The following EPHA6 variants were observed in gnomAD, a reference collection of about 807,000 sequenced individuals.
The protein encoded by EPHA6 is ephrin type-A receptor 6.
Under a neutral mutation model 112.0 loss-of-function variants are expected in EPHA6, and 50 were observed. The observed-to-expected ratio is 0.45, with a 90% CI of 0.36 to 0.56. EPHA6 has a LOEUF of 0.56. Ranked by LOEUF, EPHA6 falls within the 20% of genes least tolerant of loss-of-function variation. The pLI, the probability that EPHA6 is intolerant of heterozygous loss-of-function variation, is 0.00. For synonymous variants in EPHA6, 529 were observed against 490.7 expected (o/e 1.08, Z -1.03); for missense variants, 1,280 against 1,417.4 (o/e 0.90, Z 1.56).
At chr3:97,114,007 T>C (rs1436556035) in intron 3 of EPHA6, among the ~76,000 whole-genome samples, 3 of 152,092 alleles carry the variant, frequency 2.0e-5, no homozygotes, top group Non-Finnish European at 4.4e-5. Context: ...TTGGGATAGA[T>C]GGCCAGTTCC....
At chr3:96,983,749 T>C (rs2107830867) in intron 2 of EPHA6, among the ~76,000 whole-genome samples, 1 of 152,338 alleles carries the variant, frequency 6.6e-6, no homozygotes, top group Middle Eastern at 3.4e-3. Context: ...GCTTTGTTCA[T>C]TTCTTTTTAT....
At chr3:97,614,358 C>G (rs2041306975) in intron 13 of EPHA6, among the ~76,000 whole-genome samples, 1 of 133,912 alleles carries the variant, frequency 7.5e-6, no homozygotes, top group African/African-American at 2.9e-5. Flanking sequence ...TTTTTTGAGA[C>G]AGAGTCTTGC....
In EPHA6 at chr3:97,475,297, G is replaced by A. The variant is rs1416730678; in HGVS notation, c.1895-55G>A. The A allele has an allele frequency of 3.9e-6, 5 of 1,293,524 alleles. No individual in the cohort carries two copies. The East Asian group carries it at 7.2e-5, about 19-fold the overall frequency. The allele number at this position is 1,293,524 out of a possible 1,614,324, so 80.1% of individuals were successfully genotyped here. A position where few individuals can be genotyped will look rare whatever the true frequency, so the allele number is the denominator to read the frequency against. On this transcript the variant is annotated intron_variant, in intron 7 of 17. Coordinates refer to ENST00000389672, the MANE Select transcript of EPHA6 (RefSeq NM_001080448.3). ...CTAGTGTAAACTAAATTGTAAAATG[G>A]TTTTAATAGTGAAATGTCACCCAGG...
intron 14 of EPHA6, among the ~76,000 whole-genome samples, chr3:97,681,435 A>C (rs1049815389): frequency 6.6e-6 from 1 of 152,240 alleles, no homozygotes; most frequent in African/African-American, 2.4e-5. Context: ...TATTTATGAT[A>C]GAGAAAAATC....
intron 3 of EPHA6, among the ~76,000 whole-genome samples, chr3:97,124,473 G>GAAAGAAAGAAAGAAAGAAAGAAAGAAAT (rs1282266668): frequency 2.0e-5 from 2 of 100,580 alleles, no homozygotes; most frequent in African/African-American, 1.5e-4. Context: ...TTTAAAAAAA[G>GAAAGAAAGAAAGAAAGAAAGAAAGAAAT]AAAGAAAGAA....
At chr3:97,277,323 G>T (rs1323442821) in intron 5 of EPHA6, among the ~76,000 whole-genome samples, 1 of 152,120 alleles carries the variant, frequency 6.6e-6, no homozygotes, top group Admixed American at 6.5e-5. Flanking sequence ...TGGCGGGAAG[G>T]GGTGGGGGTC....
intron 10 of EPHA6, among the ~76,000 whole-genome samples, chr3:97,497,765 G>T (rs2092017008): frequency 6.6e-6 from 1 of 151,910 alleles, no homozygotes; most frequent in African/African-American, 2.4e-5. Flanking sequence ...CATGTGCGGG[G>T]TTAATTGCTG....
intron 14 of EPHA6, among the ~76,000 whole-genome samples, chr3:97,681,122 A>G (rs2031829196): frequency 6.6e-6 from 1 of 152,168 alleles, no homozygotes; most frequent in Non-Finnish European, 1.5e-5. Context: ...GACAATAAAT[A>G]TATGAAAACT....
chr3:97,545,486 T>C lies in EPHA6; in HGVS notation c.2386+12943T>C, dbSNP rs186684636. On this transcript the variant is annotated intron_variant, in intron 11 of 17. Transcript: ENST00000389672. ...TGCTGAGGAGTGCTTTACTTCCAAC[T>C]GTGTGGTCAATTTTGGAATAGGTGT... 1.8e-3 allele frequency among the ~76,000 whole-genome samples: 279 copies of C among 152,358 alleles called. 1 individual carries two copies. The highest frequency in any genetic ancestry group is 6.0e-3 in the African/African-American group (251 of 41,582).
intron 13 of EPHA6, among the ~76,000 whole-genome samples, chr3:97,619,569 T>C (rs1173322050): frequency 2.6e-5 from 4 of 151,784 alleles, no homozygotes; most frequent in Non-Finnish European, 5.9e-5. Flanking sequence ...TTCAGCAAAC[T>C]CTCAGGATAC....
intron 3 of EPHA6, among the ~76,000 whole-genome samples, chr3:97,195,694 A>C (rs2077422358): frequency 6.6e-6 from 1 of 152,022 alleles, no homozygotes; most frequent in Non-Finnish European, 1.5e-5. Context: ...GAAATACCTC[A>C]GCTTTTGTTT....
chr3:97,207,958 A>G (rs564207515), intron 3 of EPHA6, among the ~76,000 whole-genome samples: 26 of 152,264 alleles, frequency 1.7e-4, no homozygotes, highest in African/African-American at 5.8e-4. Context: ...TGGAATGGCT[A>G]TATAGGGGGA....
intron 5 of EPHA6, among the ~76,000 whole-genome samples, chr3:97,340,288 T>C (rs1157889013): frequency 6.6e-6 from 1 of 152,178 alleles, no homozygotes; most frequent in Admixed American, 6.5e-5. Flanking sequence ...GAGGCATCAC[T>C]GCCACCATCA....
In EPHA6 at chr3:97,322,514, G is replaced by T. The variant is rs531397750; in HGVS notation, c.1606+78227G>T. The stretch of plus-strand genomic sequence containing the variant: ...ATGGCAAATAAGAAACTATGATCTG[G>T]GTTTCGTGTTTGCAAGCACTGGTTA... On this transcript the variant is annotated intron_variant, in intron 5 of 17. Transcript: ENST00000389672. 2.6e-5 allele frequency among the ~76,000 whole-genome samples: 4 copies of T among 151,972 alleles called. No homozygotes were observed. The South Asian group carries it at 8.3e-4, about 32-fold the overall frequency.
At chr3:97,278,711 C>G (rs2080182106) in intron 5 of EPHA6, among the ~76,000 whole-genome samples, 1 of 152,146 alleles carries the variant, frequency 6.6e-6, no homozygotes, top group Non-Finnish European at 1.5e-5. Flanking sequence ...TACTCAAATA[C>G]AGGAATAACA....
At chr3:97,471,213 C>A (rs1367970666) in intron 7 of EPHA6, among the ~76,000 whole-genome samples, 3 of 151,726 alleles carry the variant, frequency 2.0e-5, no homozygotes, top group Non-Finnish European at 3.0e-5. Flanking sequence ...AGGTGATCAT[C>A]CTGTTCCTCC....
chr3:97,103,694 G>A (rs1044071909), intron 3 of EPHA6, among the ~76,000 whole-genome samples: 2 of 152,066 alleles, frequency 1.3e-5, no homozygotes, highest in Non-Finnish European at 2.9e-5. Flanking sequence ...AATGTCATTG[G>A]GAGTTTGATA....
At chr3:97,008,666 G>A (rs75458580) in intron 3 of EPHA6, among the ~76,000 whole-genome samples, 1 of 152,130 alleles carries the variant, frequency 6.6e-6, no homozygotes, top group Non-Finnish European at 1.5e-5. Context: ...GAGAGATGCT[G>A]TAATCATTTG....
At chr3:97,639,223 C>G (rs2093980093) in intron 14 of EPHA6, among the ~76,000 whole-genome samples, 1 of 151,676 alleles carries the variant, frequency 6.6e-6, no homozygotes, top group Non-Finnish European at 1.5e-5. Context: ...TTAATTTAAC[C>G]AAAAAGCTTC....
Sources: allele counts gnomAD v4.1 joint callset (sites outside exome capture counted in the v4.1 genomes callset), GRCh38; gene constraint gnomAD v4.1.1; transcripts MANE v1.5; gene names NCBI Gene and HGNC (gene_info 2026-07-23, HGNC 2026-07-21).